The following ZZEF1 variants were observed in gnomAD, a reference collection of about 807,000 sequenced individuals.
ZZEF1 encodes the protein zinc finger ZZ-type and EF-hand domain containing 1, also known as zinc finger ZZ-type and EF-hand domain-containing protein 1.
A neutral mutation model predicts 342.8 loss-of-function variants in ZZEF1; 157 were observed. That is an observed-to-expected ratio of 0.46 (90% CI 0.40 to 0.52). The LOEUF is 0.52. Ranked by LOEUF, ZZEF1 falls within the 20% of genes least tolerant of loss-of-function variation. ZZEF1 has a pLI of 0.00. For synonymous variants in ZZEF1, 1,505 were observed against 1,429.1 expected, an observed-to-expected ratio of 1.05 and a Z score of -1.20; for missense variants, 3,480 against 3,725.6, an observed-to-expected ratio of 0.93 and a Z score of 1.72.
At chr17:4,056,993 C>T (rs942947213) in intron 32 of ZZEF1, 12 of 152,180 alleles carry the variant, frequency 7.9e-5, no homozygotes, top group African/African-American at 2.9e-4. Context: ...GAACTTTAAA[C>T]AGAAAAAGAT....
intron 6 of ZZEF1, among the ~76,000 whole-genome samples, chr17:4,109,054 T>C (rs1210358189): frequency 1.3e-5 from 2 of 152,234 alleles, no homozygotes; most frequent in South Asian, 2.1e-4. Context: ...TTTGGTCTTT[T>C]TGCCCTAATG....
At chr17:4,095,658 AG>A (rs760013609) in intron 11 of ZZEF1, among the ~76,000 whole-genome samples, 172 bp downstream of exon 11, 19 of 152,216 alleles carry the variant, frequency 1.2e-4, no homozygotes, top group Non-Finnish European at 2.2e-4. Flanking sequence ...ACACATCTTC[AG>A]ATATGCTACT....
In ZZEF1 at chr17:4,008,998, G is replaced by A. The variant is rs1393729327; in HGVS notation, c.8734-44C>T. On this transcript the variant is annotated intron_variant, in intron 53 of 54. Transcript: ENST00000381638. The surrounding 1 kb of genome is among the most constrained non-coding windows in gnomAD (Gnocchi z 4.2). ...GGCTGTGAGTGACAGCGCCAGATGC[G>A]CAGTGCAGCTCTCCCAGACCACCTG... The A allele has an allele frequency of 1.0e-5, 16 of 1,534,186 alleles. No individual in the cohort carries two copies. The East Asian group carries it at 1.7e-4, about 16-fold the overall frequency.
Position 4,041,320 on chromosome 17 carries a change from T to C in ZZEF1, c.6306+1109A>G, listed in dbSNP as rs79267520. Reference sequence around the variant, plus strand: ...CATAATGATTTTCCTGCCAGACGCATACCCCTGTGAATTGTGACTGATTTA... The same window carrying C: ...CATAATGATTTTCCTGCCAGACGCACACCCCTGTGAATTGTGACTGATTTA... On this transcript the variant is annotated intron_variant, in intron 39 of 54. Transcript: ENST00000381638. Among the ~76,000 whole-genome samples, 730 of 152,250 alleles carry C rather than the reference T, an allele frequency of 4.8e-3. 6 individuals are homozygous for C. Among genetic ancestry groups the C allele is most frequent in the African/African-American group, 0.017 (709 of 41,550 alleles).
At position 4,049,820 on chromosome 17, in the gene ZZEF1, C is replaced by T. The variant is rs762767015; in HGVS notation, c.5903G>A (p.Gly1968Glu). The change falls in exon 37 of 55, where the codon GGG becomes GAG. Residue 1968 changes from glycine (G) to glutamate (E), a missense_variant. This residue lies in a region of ZZEF1 where 1,269 missense variants were observed against 1,342.4 expected (regional missense o/e 0.95). Coordinates refer to ENST00000381638, the MANE Select transcript of ZZEF1 (RefSeq NM_015113.4). The stretch of plus-strand genomic sequence containing the variant: ...GGCCTGATCTTCTAGGCTCGAGTCC[C>T]CATCTGGCAATACACCCAGCAAAGC... ...ALALLGVLPD[G>E]DSSLEDQALP... is the part of the protein sequence containing the mutation. 1 of 1,614,142 alleles carries T rather than the reference C, an allele frequency of 6.2e-7. No individual in the cohort carries two copies. The highest frequency in any genetic ancestry group is 1.1e-5 in the South Asian group (1 of 91,086).
intron 44 of ZZEF1, among the ~76,000 whole-genome samples, chr17:4,022,165 C>T (rs371482515): frequency 6.6e-6 from 1 of 152,008 alleles, no homozygotes; most frequent in Non-Finnish European, 1.5e-5. Context: ...TCCTATGTGG[C>T]GGCAGCCTTT....
chr17:4,028,826 C>T (rs376543380), intron 42 of ZZEF1, among the ~76,000 whole-genome samples: 1 of 152,142 alleles, frequency 6.6e-6, no homozygotes, highest in Admixed American at 6.5e-5. Context: ...GACTAATCCA[C>T]GAATTTTGCT....
chr17:4,071,883 AG>A, intron 25 of ZZEF1, among the ~76,000 whole-genome samples: 1 of 152,268 alleles, frequency 6.6e-6, no homozygotes, highest in East Asian at 1.9e-4. Flanking sequence ...AGGAGAAGAA[AG>A]TGGAGAGGAT....
chr17:4,123,624 A>C (rs1475450690), intron 2 of ZZEF1, among the ~76,000 whole-genome samples: 3 of 152,116 alleles, frequency 2.0e-5, no homozygotes, highest in Non-Finnish European at 4.4e-5. Context: ...TGCTAAGAGA[A>C]TGAACAGTGA....
Position 4,032,113 on chromosome 17 carries a change from TTACGCATGG to T in ZZEF1, c.6892+4_6892+12del. 1 of 1,601,922 alleles carries T rather than the reference TTACGCATGG, an allele frequency of 6.2e-7. No homozygotes were observed. The highest frequency in any genetic ancestry group is 8.5e-7 in the Non-Finnish European group (1 of 1,176,646). On this transcript the variant is annotated splice_donor_5th_base_variant and intron_variant, in intron 42 of 54. Coordinates refer to ENST00000381638, the MANE Select transcript of ZZEF1 (RefSeq NM_015113.4). ...TTCTTCCATTCTTAGAAAAAAATAA[TTACGCATGG>T]TACCTGTTTTCCTCTTCCGAGTTTT...
intron 11 of ZZEF1, among the ~76,000 whole-genome samples, chr17:4,092,240 G>T (rs2057958713): frequency 6.6e-6 from 1 of 151,656 alleles, no homozygotes; most frequent in South Asian, 2.1e-4. Flanking sequence ...ACCAAAAAGA[G>T]GGAATTATGG....
intron 21 of ZZEF1, 54 bp downstream of exon 21, chr17:4,076,583 T>TC: frequency 6.4e-7 from 1 of 1,573,908 alleles, no homozygotes; most frequent in Non-Finnish European, 8.6e-7. Flanking sequence ...ACTAAGTGTG[T>TC]CCCATCACTC....
chr17:4,077,518 A>C (rs2057646162), intron 19 of ZZEF1, among the ~76,000 whole-genome samples: 1 of 152,198 alleles, frequency 6.6e-6, no homozygotes, highest in Non-Finnish European at 1.5e-5. Context: ...ATGCTCATAC[A>C]CCTTAGATTT....
chr17:4,080,798 T>C (rs1051743938), intron 18 of ZZEF1, among the ~76,000 whole-genome samples: 1 of 152,192 alleles, frequency 6.6e-6, no homozygotes, highest in African/African-American at 2.4e-5. Flanking sequence ...TTGATATAAA[T>C]CCATTCCTCT....
chr17:4,075,055 T>G, intron 23 of ZZEF1, 42 bp downstream of exon 23: 1 of 1,598,134 alleles, frequency 6.3e-7, no homozygotes, highest in Non-Finnish European at 8.6e-7. Context: ...AGGAAAAGCA[T>G]TGGTGCAGAA....
At chr17:4,028,876 A>C (rs180834529) in intron 42 of ZZEF1, among the ~76,000 whole-genome samples, 1 of 152,248 alleles carries the variant, frequency 6.6e-6, no homozygotes, top group East Asian at 1.9e-4. Flanking sequence ...TGAGGATACT[A>C]AAGGATGACT....
At chr17:4,018,757 G>A (rs2056184200) in intron 46 of ZZEF1, among the ~76,000 whole-genome samples, 1 of 152,164 alleles carries the variant, frequency 6.6e-6, no homozygotes, top group African/African-American at 2.4e-5. Flanking sequence ...TAGATGTGCT[G>A]ATGCCCCTGG....
intron 1 of ZZEF1, among the ~76,000 whole-genome samples, chr17:4,137,517 CAGG>C (rs2058770918): frequency 6.6e-6 from 1 of 152,142 alleles, no homozygotes; most frequent in Non-Finnish European, 1.5e-5. Context: ...GAGGCTGAGG[CAGG>C]AGAATGGTGT....
chr17:4,127,824 G>A (rs1463839411), intron 1 of ZZEF1, among the ~76,000 whole-genome samples: 5 of 152,188 alleles, frequency 3.3e-5, no homozygotes, highest in Non-Finnish European at 7.3e-5. Context: ...GCAAATGACT[G>A]GAAAAGTATT....
Sources: gnomAD v4.1 joint callset for allele counts (sites outside exome capture counted in the v4.1 genomes callset) on GRCh38, gnomAD v4.1.1 for gene constraint, gnomAD v4.1.1 regional missense constraint, Gnocchi (gnomAD v3.1) non-coding constraint, MANE v1.5 for transcripts, NCBI Gene and HGNC (gene_info 2026-07-23, HGNC 2026-07-21) for gene names.